Variants in AGTPBP1 observed in about 807,000 individuals in gnomAD.
The protein encoded by AGTPBP1 is cytosolic carboxypeptidase 1.
Under a neutral mutation model 143.9 loss-of-function variants are expected in AGTPBP1, and 70 were observed. That is an observed-to-expected ratio of 0.49 (90% confidence interval 0.40 to 0.59). The LOEUF is 0.59. AGTPBP1 is among the 20% of genes least tolerant of loss of function. AGTPBP1 has a pLI of 0.00. For missense variants in AGTPBP1, 1,229 were observed against 1,464.5 expected, an observed-to-expected ratio of 0.84 and a Z score of 2.62; for synonymous variants, 463 against 500.2, an observed-to-expected ratio of 0.93 and a Z score of 0.99.
chr9:85,753,976 G>T, the AGTPBP1 span, among the ~76,000 whole-genome samples: 1 of 152,018 alleles, frequency 6.6e-6, no homozygotes, highest in Non-Finnish European at 1.5e-5. Context: ...GCTAAGATTT[G>T]GGCTTCTAAT....
chr9:85,667,400 T>C (rs1264991005), intron 8 of AGTPBP1, among the ~76,000 whole-genome samples: 1 of 152,052 alleles, frequency 6.6e-6, no homozygotes, highest in Non-Finnish European at 1.5e-5. Context: ...AAGTTCTTCA[T>C]TACAAAAGAT....
intron 6 of AGTPBP1, among the ~76,000 whole-genome samples, chr9:85,676,480 C>A (rs1404492861): frequency 1.3e-5 from 2 of 151,494 alleles, no homozygotes; most frequent in Admixed American, 6.6e-5. Flanking sequence ...TAGGGAAATG[C>A]AAATCAAAAT....
Position 85,660,941 on chromosome 9 carries a change from T to A in AGTPBP1, c.695A>T (p.Lys232Ile). Reference protein sequence around the residue: ...VALDTLAALLKSKTNARRAVD... With the variant: ...VALDTLAALLISKTNARRAVD... ...TCTAGTATTTAAAAACTTACTTGAT[T>A]TTAGCAATGCAGCAAGAGTGTCTAA... The change falls in exon 9 of 26, where the codon AAA becomes ATA. Residue 232 changes from lysine (K) to isoleucine (I), a missense_variant. Physicochemically the swap from Lys to Ile is moderately radical, Grantham distance 102. This residue lies in a region of AGTPBP1 where 743 missense variants were observed against 812.2 expected (regional missense o/e 0.91). Coordinates refer to ENST00000357081, the MANE Select transcript of AGTPBP1 (RefSeq NM_001330701.2). 6.3e-7 allele frequency: 1 copy of A among 1,587,612 alleles called. No individual in the cohort carries two copies. The highest frequency in any genetic ancestry group is 8.6e-7 in the Non-Finnish European group (1 of 1,169,272).
chr9:85,753,757 A>ATAG, the AGTPBP1 span, among the ~76,000 whole-genome samples: 5 of 145,580 alleles, frequency 3.4e-5, no homozygotes, highest in African/African-American at 1.1e-4. Flanking sequence ...CCTCTCAATA[A>ATAG]ATAGATAGAT....
intron 17 of AGTPBP1, among the ~76,000 whole-genome samples, chr9:85,608,491 T>A (rs79981986): frequency 6.6e-6 from 1 of 152,144 alleles, no homozygotes; most frequent in East Asian, 1.9e-4. Flanking sequence ...CTCATCCTGA[T>A]ACAGATGAAA....
At chr9:85,688,332 G>A (rs188093105) in intron 3 of AGTPBP1, among the ~76,000 whole-genome samples, 1 of 152,094 alleles carries the variant, frequency 6.6e-6, no homozygotes, top group East Asian at 1.9e-4. Context: ...CTTTCTTGTG[G>A]TGGGCTGATC....
At chr9:85,599,112 C>CACAG (rs1217757988) in intron 17 of AGTPBP1, among the ~76,000 whole-genome samples, 2 of 63,424 alleles carry the variant, frequency 3.2e-5, no homozygotes, top group Admixed American at 2.8e-4. Flanking sequence ...TGTCACTGAA[C>CACAG]ACACACACAC....
intron 13 of AGTPBP1, among the ~76,000 whole-genome samples, chr9:85,638,724 AC>A (rs1317104894): frequency 6.6e-6 from 1 of 151,968 alleles, no homozygotes; most frequent in African/African-American, 2.4e-5. Flanking sequence ...AAAAAGTCCA[AC>A]TCAAAAAGGA....
chr9:85,765,198 T>C, the AGTPBP1 span: 8 of 269,592 alleles, frequency 3.0e-5, no homozygotes, highest in South Asian at 5.1e-5. Context: ...ATATTTGCCT[T>C]CTCAGCTGGG....
chr9:85,584,741 G>GA (rs1219572193), intron 23 of AGTPBP1, among the ~76,000 whole-genome samples: 1 of 152,132 alleles, frequency 6.6e-6, no homozygotes, highest in Non-Finnish European at 1.5e-5. Flanking sequence ...GGTATGTGGG[G>GA]AAAAATTCCA....
chr9:85,660,726 G>A (rs1405916587), intron 9 of AGTPBP1, among the ~76,000 whole-genome samples: 7 of 152,018 alleles, frequency 4.6e-5, no homozygotes. Flanking sequence ...TTATATAAAT[G>A]TACTAAATAA....
chr9:85,696,998 C>A (rs571343746), intron 2 of AGTPBP1, among the ~76,000 whole-genome samples: 9 of 152,146 alleles, frequency 5.9e-5, no homozygotes, highest in South Asian at 2.1e-4. Context: ...TTAACTATGA[C>A]TTTTGCTTTG....
intron 11 of AGTPBP1, among the ~76,000 whole-genome samples, chr9:85,652,136 T>C (rs374509646): frequency 5.9e-5 from 9 of 152,058 alleles, no homozygotes; most frequent in African/African-American, 2.2e-4. Flanking sequence ...GGGGACTGAT[T>C]TTATCAAAAA....
chr9:85,677,580 C>A lies in AGTPBP1; in HGVS notation c.292G>T (p.Gly98Ter). The A allele has an allele frequency of 2.0e-6, 3 of 1,501,466 alleles. No individual in the cohort carries two copies. The highest frequency in any genetic ancestry group is 1.3e-5 in the South Asian group (1 of 74,264). The allele number at this position is 1,501,466 out of a possible 1,614,324, so 93.0% of individuals were successfully genotyped here. A position where few individuals can be genotyped will look rare whatever the true frequency, so the allele number is the denominator to read the frequency against. The change falls in exon 6 of 26, where the codon GGA becomes TGA. Residue 98 changes from glycine to a stop codon, truncating the protein, a stop_gained and splice_region_variant. Coordinates refer to ENST00000357081, the MANE Select transcript of AGTPBP1 (RefSeq NM_001330701.2). LOFTEE classifies it high-confidence loss of function. ...ACTAAGAAACTCACTCTTCGACCTC[C>A]ACCTAAAAATTAAAAAAAAAAAAAA... ...SILVELVSAG[G>*]GRRVSFLVTK...
intron 6 of AGTPBP1, 90 bp downstream of exon 6, chr9:85,677,346 A>G: frequency 8.4e-7 from 1 of 1,195,352 alleles, no homozygotes; most frequent in Non-Finnish European, 1.2e-6. Context: ...AATAAATAAC[A>G]TTTTTAAAAA....
chr9:85,709,317 T>C (rs1359278948), intron 2 of AGTPBP1, among the ~76,000 whole-genome samples: 3 of 152,152 alleles, frequency 2.0e-5, no homozygotes, highest in Non-Finnish European at 4.4e-5. Context: ...TATAAGAGAA[T>C]TTTTTCAACC....
upstream of AGTPBP1, among the ~76,000 whole-genome samples, chr9:85,744,723 C>T (rs938606149): frequency 6.6e-6 from 1 of 152,166 alleles, no homozygotes; most frequent in African/African-American, 2.4e-5. Flanking sequence ...TGCACGCGGG[C>T]CCTTAGTCCA....
At position 85,640,435 on chromosome 9, in the gene AGTPBP1, T is replaced by A. The variant is rs564625958; in HGVS notation, c.1302+2392A>T. On this transcript the variant is annotated intron_variant, in intron 13 of 25. Transcript: ENST00000357081. ...CTCTATATAAAACTTTACAGCAGAA[T>A]AGACAATGCATTAATAAATGTGTAC... Among the ~76,000 whole-genome samples the A allele has an allele frequency of 7.9e-5, 12 of 152,352 alleles. No individual in the cohort carries two copies. The South Asian group carries it at 2.5e-3, about 32-fold the overall frequency.
At chr9:85,683,997 C>T (rs1835346122) in intron 3 of AGTPBP1, among the ~76,000 whole-genome samples, 2 of 151,848 alleles carry the variant, frequency 1.3e-5, no homozygotes, top group South Asian at 4.2e-4. Context: ...AGCTGAGTTC[C>T]CTGCTCCTAC....
Sources: gnomAD v4.1 joint callset for allele counts (sites outside exome capture counted in the v4.1 genomes callset) on GRCh38, gnomAD v4.1.1 for gene constraint, gnomAD v4.1.1 regional missense constraint, MANE v1.5 for transcripts, NCBI Gene and HGNC (gene_info 2026-07-23, HGNC 2026-07-21) for gene names.